The following CACNB2 variants were observed in gnomAD, a reference collection of about 807,000 sequenced individuals.
CACNB2 encodes calcium voltage-gated channel auxiliary subunit beta 2.
In CACNB2, 42 loss-of-function variants were observed where a neutral mutation model predicts 73.3. That is an observed-to-expected ratio of 0.57 (90% CI 0.45 to 0.74). CACNB2 has a LOEUF of 0.74. Ranked by LOEUF, CACNB2 falls within the 30% of genes least tolerant of loss-of-function variation. The pLI is 0.00. For missense variants in CACNB2, 940 were observed against 853.0 expected (o/e 1.10, Z -1.27); for synonymous variants, 348 against 310.3 (o/e 1.12, Z -1.28).
chr10:18,229,306 A>C (rs1261387985), intron 2 of CACNB2, among the ~76,000 whole-genome samples: 1 of 152,224 alleles, frequency 6.6e-6, no homozygotes, highest in Non-Finnish European at 1.5e-5. Flanking sequence ...AAGAATCGTT[A>C]TTCCCATATT....
intron 2 of CACNB2, chr10:18,400,998 T>G (rs1401248021): frequency 6.2e-7 from 1 of 1,613,904 alleles, no homozygotes; most frequent in Non-Finnish European, 8.5e-7. Flanking sequence ...TGCCCGGGGC[T>G]GCAGCTGCGG....
At chr10:18,467,155 G>T (rs955106838) in intron 3 of CACNB2, among the ~76,000 whole-genome samples, 1 of 152,102 alleles carries the variant, frequency 6.6e-6, no homozygotes, top group African/African-American at 2.4e-5. Flanking sequence ...CTCTGTGTTT[G>T]TTAAATAAAT....
chr10:18,539,741 T>TTTG lies in CACNB2; in HGVS notation c.*19_*20insGTT, dbSNP rs1564679964. ...CGCCAATGAGTTTTGCCCGTTTGTG[T>TTTG]TTTTTTTTTTTTTTTTTTGAAGTCT... On this transcript the variant is annotated 3_prime_UTR_variant, in exon 14 of 14. Coordinates refer to ENST00000324631, the MANE Select transcript of CACNB2 (RefSeq NM_201596.3). 7.3e-5 allele frequency: 25 copies of TTTG among 342,056 alleles called. No homozygotes were observed. Among genetic ancestry groups the TTTG allele is most frequent in the East Asian group, 0.012 (1 of 86 alleles). 21.2% of individuals were successfully genotyped at this position (342,056 alleles called of 1,614,324 possible).
chr10:18,348,150 C>A (rs533466634), intron 2 of CACNB2, among the ~76,000 whole-genome samples: 16 of 152,226 alleles, frequency 1.1e-4, no homozygotes, highest in African/African-American at 3.9e-4. Context: ...TTGCCACTTA[C>A]TTGGATAACA....
At position 18,500,952 on chromosome 10, in the gene CACNB2, T is replaced by C. The variant is rs755435894; in HGVS notation, c.593+4T>C. The C allele has an allele frequency of 2.5e-6, 4 of 1,613,302 alleles. No homozygotes were observed. The highest frequency in any genetic ancestry group is 3.4e-6 in the Non-Finnish European group (4 of 1,179,334). On this transcript the variant is annotated splice_donor_region_variant and intron_variant, in intron 5 of 13. Coordinates refer to ENST00000324631, the MANE Select transcript of CACNB2 (RefSeq NM_201596.3). The stretch of plus-strand genomic sequence containing the variant: ...AGCAAGGGAAATTCTACTCCAGGTA[T>C]GAGACAGATGTCAAGTGTTTGCATA...
chr10:18,539,770 A>ATAAC lies in CACNB2; in HGVS notation c.*51_*54dup, dbSNP rs751330937. The stretch of plus-strand genomic sequence containing the variant: ...TTTTTTTTTTTTTTTGAAGTCTTGT[A>ATAAC]TAACTAACAGCATCCCCAAAACAAA... On this transcript the variant is annotated 3_prime_UTR_variant, in exon 14 of 14. Coordinates refer to ENST00000324631, the MANE Select transcript of CACNB2 (RefSeq NM_201596.3). 24 of 1,532,710 alleles carry ATAAC rather than the reference A, an allele frequency of 1.6e-5. No individual in the cohort carries two copies. The highest frequency in any genetic ancestry group is 1.0e-4 in the Admixed American group (5 of 49,426). 94.9% of individuals were successfully genotyped at this position (1,532,710 alleles called of 1,614,324 possible).
chr10:18,341,796 T>C (rs938108406), intron 2 of CACNB2, among the ~76,000 whole-genome samples: 1 of 152,232 alleles, frequency 6.6e-6, no homozygotes, highest in African/African-American at 2.4e-5. Flanking sequence ...AAATGCTTGC[T>C]AGGAAATATC....
chr10:18,181,529 C>T (rs1460116639), intron 2 of CACNB2, among the ~76,000 whole-genome samples: 5 of 148,420 alleles, frequency 3.4e-5, no homozygotes, highest in South Asian at 2.2e-4. Context: ...AAAAAATGGC[C>T]GGTAGTCAGA....
chr10:18,398,705 ACACACACAC>A (rs1186492855), intron 2 of CACNB2, among the ~76,000 whole-genome samples: 1 of 144,688 alleles, frequency 6.9e-6, no homozygotes, highest in Non-Finnish European at 1.5e-5. Flanking sequence ...ACACACACAC[ACACACACAC>A]AATTGTTTTT....
At chr10:18,209,410 T>C (rs1411267862) in intron 2 of CACNB2, among the ~76,000 whole-genome samples, 2 of 152,236 alleles carry the variant, frequency 1.3e-5, no homozygotes, top group African/African-American at 4.8e-5. Flanking sequence ...TTTTAGACTT[T>C]TGCAGCAGGA....
chr10:18,155,852 G>A (rs1385504256), intron 2 of CACNB2, among the ~76,000 whole-genome samples: 1 of 144,772 alleles, frequency 6.9e-6, no homozygotes, highest in Non-Finnish European at 1.5e-5. Flanking sequence ...CTAGAGAACA[G>A]AGAGAGAGAA....
intron 2 of CACNB2, among the ~76,000 whole-genome samples, chr10:18,228,357 T>C (rs2036082620): frequency 7.5e-6 from 1 of 132,890 alleles, no homozygotes; most frequent in African/African-American, 2.8e-5. Context: ...CGCTTGAACT[T>C]GGAAGGCAGA....
At chr10:18,211,356 G>A (rs1222946552) in intron 2 of CACNB2, among the ~76,000 whole-genome samples, 1 of 152,134 alleles carries the variant, frequency 6.6e-6, no homozygotes, top group Non-Finnish European at 1.5e-5. Flanking sequence ...TCATTTATGA[G>A]TAAGTAGCTT....
At chr10:18,204,213 C>G (rs2035002687) in intron 2 of CACNB2, among the ~76,000 whole-genome samples, 1 of 152,194 alleles carries the variant, frequency 6.6e-6, no homozygotes, top group Non-Finnish European at 1.5e-5. Flanking sequence ...TCATCAATCT[C>G]TCCCTGTTGC....
intron 2 of CACNB2, among the ~76,000 whole-genome samples, chr10:18,347,182 AT>A (rs2041494922): frequency 6.6e-6 from 1 of 151,404 alleles, no homozygotes; most frequent in African/African-American, 2.4e-5. Flanking sequence ...ATTTTATTTT[AT>A]TTTTGAGACG....
chr10:18,160,815 C>T (rs2131089600), intron 2 of CACNB2, among the ~76,000 whole-genome samples: 1 of 152,264 alleles, frequency 6.6e-6, no homozygotes, highest in African/African-American at 2.4e-5. Flanking sequence ...TGTTTTGTTT[C>T]TGGAATCTTC....
chr10:18,275,150 G>C (rs2038225052), intron 2 of CACNB2, among the ~76,000 whole-genome samples: 1 of 152,210 alleles, frequency 6.6e-6, no homozygotes. Flanking sequence ...CACTCTGACA[G>C]CTGTGCTCCA....
At chr10:18,304,781 GGATAAC>G (rs1554789124) in intron 2 of CACNB2, among the ~76,000 whole-genome samples, 1 of 152,160 alleles carries the variant, frequency 6.6e-6, no homozygotes, top group Non-Finnish European at 1.5e-5. Context: ...ACGGTTTGTG[GGATAAC>G]ATTTCAACAT....
chr10:18,443,962 G>A (rs150985267), intron 3 of CACNB2, among the ~76,000 whole-genome samples: 38 of 152,164 alleles, frequency 2.5e-4, no homozygotes, highest in Admixed American at 8.5e-4. Context: ...CAATCCGCCC[G>A]CCTTGGCCTC....
Sources: gnomAD v4.1 joint callset for allele counts (sites outside exome capture counted in the v4.1 genomes callset) on GRCh38, gnomAD v4.1.1 for gene constraint, MANE v1.5 for transcripts, NCBI Gene and HGNC (gene_info 2026-07-23, HGNC 2026-07-21) for gene names.